The following CSMD1 variants were observed in gnomAD, a reference collection of about 807,000 sequenced individuals.
CSMD1 encodes CUB and sushi domain-containing protein 1.
CSMD1 carries 213 observed loss-of-function variants against 417.5 expected under a neutral mutation model. The observed-to-expected ratio is 0.51, with a 90% confidence interval of 0.46 to 0.57. The LOEUF (loss-of-function observed/expected upper bound fraction) is 0.57. Among genes scored for constraint, CSMD1 ranks in the 20% least tolerant of loss-of-function variants. CSMD1 has a pLI of 0.00. For missense variants in CSMD1, 6,923 were observed against 4,529.7 expected (o/e 1.53, Z -15.17); for synonymous variants, 2,862 against 1,736.8 (o/e 1.65, Z -16.11).
chr8:3,277,282 A>C (rs535356431), intron 26 of CSMD1, among the ~76,000 whole-genome samples: 1 of 152,070 alleles, frequency 6.6e-6, no homozygotes, highest in Non-Finnish European at 1.5e-5. Context: ...GATAGGGGAG[A>C]GTTCTAAGCA....
chr8:2,966,488 T>C, intron 58 of CSMD1, 82 bp downstream of exon 58: 2 of 1,283,964 alleles, frequency 1.6e-6, no homozygotes, highest in African/African-American at 1.5e-5. Flanking sequence ...AAAAACAGTA[T>C]AACACCTTAA....
chr8:3,873,733 T>G (rs1033723224), intron 5 of CSMD1, among the ~76,000 whole-genome samples: 3 of 152,168 alleles, frequency 2.0e-5, no homozygotes, highest in Admixed American at 6.5e-5. Context: ...AAAGCCTTTT[T>G]CTCAGTATTA....
intron 5 of CSMD1, among the ~76,000 whole-genome samples, chr8:3,829,650 T>A (rs962646960): frequency 6.6e-6 from 1 of 152,194 alleles, no homozygotes; most frequent in African/African-American, 2.4e-5. Context: ...GAATTAGAGA[T>A]GTTCTATGAT....
chr8:4,768,630 G>A (rs1316974234), intron 1 of CSMD1, among the ~76,000 whole-genome samples: 2 of 152,066 alleles, frequency 1.3e-5, no homozygotes, highest in African/African-American at 4.8e-5. Flanking sequence ...CTGCGTGGAA[G>A]GGGTGATACC....
intron 3 of CSMD1, among the ~76,000 whole-genome samples, chr8:4,326,830 T>TG (rs1799589089): frequency 6.8e-6 from 1 of 146,220 alleles, no homozygotes; most frequent in African/African-American, 2.6e-5. Flanking sequence ...GAGATTCTTC[T>TG]GAAAAAAAAA....
intron 1 of CSMD1, among the ~76,000 whole-genome samples, chr8:4,647,421 A>C (rs1401225472): frequency 6.8e-6 from 1 of 148,134 alleles, no homozygotes; most frequent in Admixed American, 6.6e-5. Context: ...CGCGTGTGCC[A>C]CGGCGGCCTG....
intron 7 of CSMD1, among the ~76,000 whole-genome samples, chr8:3,652,910 G>T (rs553846317): frequency 2.1e-4 from 32 of 152,250 alleles, no homozygotes; most frequent in African/African-American, 6.7e-4. Context: ...ATGAATAAAC[G>T]AATGAATAAA....
intron 1 of CSMD1, among the ~76,000 whole-genome samples, chr8:4,941,764 G>T (rs1017684162): frequency 8.6e-5 from 13 of 151,944 alleles, no homozygotes; most frequent in African/African-American, 3.1e-4. Flanking sequence ...ATGCCCGACT[G>T]ATTTTCAATT....
At chr8:3,323,908 A>G (rs1219569106) in intron 23 of CSMD1, among the ~76,000 whole-genome samples, 29 of 131,550 alleles carry the variant, frequency 2.2e-4, no homozygotes, top group Middle Eastern at 0.01. Context: ...ACCTTTCATC[A>G]TTGTTAAAAT....
At chr8:3,431,171 A>G (rs1169122464) in intron 12 of CSMD1, among the ~76,000 whole-genome samples, 2 of 152,134 alleles carry the variant, frequency 1.3e-5, no homozygotes, top group Non-Finnish European at 2.9e-5. Flanking sequence ...CTCTCTATGG[A>G]AGAGGGATGA....
intron 52 of CSMD1, among the ~76,000 whole-genome samples, chr8:3,003,528 T>G (rs1196973651): frequency 1.3e-5 from 2 of 152,232 alleles, no homozygotes; most frequent in Non-Finnish European, 2.9e-5. Flanking sequence ...GTCATGTCCT[T>G]TACATTGTCT....
chr8:4,188,683 C>T (rs1798829999), intron 3 of CSMD1, among the ~76,000 whole-genome samples: 1 of 151,872 alleles, frequency 6.6e-6, no homozygotes. Context: ...GTCTTTTAAC[C>T]TTTATAAAAA....
intron 3 of CSMD1, among the ~76,000 whole-genome samples, chr8:4,228,935 G>A (rs113818703): frequency 2.6e-3 from 392 of 152,168 alleles, no homozygotes; most frequent in African/African-American, 9.1e-3. Context: ...CAAAAGTGCT[G>A]GGATTACAGG....
rs1005651548 is a variant in CSMD1, at chr8:3,266,113, G to C, written c.4153+18031C>G. 2.3e-4 allele frequency among the ~76,000 whole-genome samples: 35 copies of C among 151,438 alleles called. 1 individual carries two copies. Among genetic ancestry groups the C allele is most frequent in the Admixed American group, 6.6e-5 (1 of 15,192 alleles). On this transcript the variant is annotated intron_variant, in intron 26 of 69. Transcript: ENST00000635120. ...TGGGGGAAAAATTAATTTGCAAAGA[G>C]AGAGTATGTGCAGAAAGCAGACCTG...
At chr8:4,088,534 A>C (rs190545205) in intron 3 of CSMD1, among the ~76,000 whole-genome samples, 1 of 152,132 alleles carries the variant, frequency 6.6e-6, no homozygotes, top group African/African-American at 2.4e-5. Flanking sequence ...TTAGGATGCA[A>C]AACTAAATCT....
At chr8:3,003,057 C>A (rs1316547506) in intron 52 of CSMD1, among the ~76,000 whole-genome samples, 1 of 152,192 alleles carries the variant, frequency 6.6e-6, no homozygotes, top group Non-Finnish European at 1.5e-5. Context: ...CTGTTTTTCA[C>A]CTGTTATCAC....
intron 3 of CSMD1, among the ~76,000 whole-genome samples, chr8:4,090,612 T>C (rs984809101): frequency 6.6e-6 from 1 of 152,212 alleles, no homozygotes; most frequent in East Asian, 1.9e-4. Context: ...GATACACGAA[T>C]TCTCAGAATT....
intron 12 of CSMD1, among the ~76,000 whole-genome samples, chr8:3,458,785 A>T (rs534074489): frequency 6.6e-6 from 1 of 152,334 alleles, no homozygotes; most frequent in East Asian, 1.9e-4. Context: ...AGATGAAGAC[A>T]TTGTGTGCTC....
intron 5 of CSMD1, among the ~76,000 whole-genome samples, chr8:3,944,519 T>C (rs1342009179): frequency 5.3e-5 from 8 of 152,136 alleles, no homozygotes; most frequent in Admixed American, 5.2e-4. Flanking sequence ...TAGGCAGAGT[T>C]TGAGTTTTAA....
Sources: gnomAD v4.1 joint callset for allele counts (sites outside exome capture counted in the v4.1 genomes callset) on GRCh38, gnomAD v4.1.1 for gene constraint, MANE v1.5 for transcripts, NCBI Gene and HGNC (gene_info 2026-07-23, HGNC 2026-07-21) for gene names.